The following AGAP1 variants were observed in gnomAD, a reference collection of about 807,000 sequenced individuals.
AGAP1 encodes ArfGAP with GTPase domain, ankyrin repeat and PH domain 1.
In AGAP1, 29 loss-of-function variants were observed where a neutral mutation model predicts 105.3. The observed-to-expected ratio is 0.28, with a 90% CI of 0.21 to 0.38. The LOEUF (loss-of-function observed/expected upper bound fraction) is 0.38. Ranked by LOEUF, AGAP1 falls within the 10% of genes least tolerant of loss-of-function variation. The pLI, the probability that AGAP1 is intolerant of heterozygous loss-of-function variation, is 1.00. For missense variants in AGAP1, 998 were observed against 1,165.1 expected, an observed-to-expected ratio of 0.86 and a Z score of 2.09; for synonymous variants, 509 against 485.9, an observed-to-expected ratio of 1.05 and a Z score of -0.63.
At chr2:236,060,634 G>A (rs999406030) in intron 16 of AGAP1, among the ~76,000 whole-genome samples, 7 of 152,156 alleles carry the variant, frequency 4.6e-5, no homozygotes, top group African/African-American at 7.2e-5. Context: ...GGTCAAGGCT[G>A]CAGTGAGCCG....
chr2:235,928,277 G>A (rs552322638), intron 11 of AGAP1, among the ~76,000 whole-genome samples: 101 of 152,180 alleles, frequency 6.6e-4, no homozygotes, highest in Admixed American at 1.3e-3. Context: ...CTTGGGAGGC[G>A]CCTCCTCCCC....
At chr2:235,702,232 G>A (rs1008274976) in intron 1 of AGAP1, among the ~76,000 whole-genome samples, 1 of 152,170 alleles carries the variant, frequency 6.6e-6, no homozygotes, top group African/African-American at 2.4e-5. Context: ...ATAATTTGGA[G>A]GAGAAAATTA....
intron 11 of AGAP1, among the ~76,000 whole-genome samples, chr2:235,916,647 T>C (rs1252425377): frequency 1.3e-5 from 2 of 152,218 alleles, no homozygotes; most frequent in East Asian, 1.9e-4. Flanking sequence ...AATGGGGAAA[T>C]GATGTCCACC....
chr2:236,057,646 G>A (rs908650298), intron 16 of AGAP1, among the ~76,000 whole-genome samples: 9 of 151,986 alleles, frequency 5.9e-5, no homozygotes, highest in African/African-American at 2.2e-4. Context: ...GTATTGCAGA[G>A]ACCTCACAAT....
chr2:235,685,273 C>T (rs944599841), intron 1 of AGAP1, among the ~76,000 whole-genome samples: 1 of 151,918 alleles, frequency 6.6e-6, no homozygotes, highest in Non-Finnish European at 1.5e-5. Flanking sequence ...GTGGGTTCCT[C>T]CCTTCCTGGG....
intron 1 of AGAP1, among the ~76,000 whole-genome samples, chr2:235,645,071 T>C (rs1947329268): frequency 6.6e-6 from 1 of 152,124 alleles, no homozygotes; most frequent in African/African-American, 2.4e-5. Flanking sequence ...AATTTTTGTA[T>C]TTTTAGTAGA....
rs2149712143 is a variant in AGAP1, at chr2:235,750,612, A to G, written c.673+124A>G. On this transcript the variant is annotated intron_variant, in intron 6 of 17. Transcript: ENST00000304032. The surrounding 1 kb of genome is among the most constrained non-coding windows in gnomAD (Gnocchi z 5.3). The stretch of plus-strand genomic sequence containing the variant: ...AATATGTCGTTGATGGGTGGGCATT[A>G]GTATCGAGAGCAGTCCATTCCAGAG... The G allele has an allele frequency of 7.2e-7, 1 of 1,395,866 alleles. No individual in the cohort carries two copies. The highest frequency in any genetic ancestry group is 1.0e-6 in the Non-Finnish European group (1 of 1,000,898). The allele number at this position is 1,395,866 out of a possible 1,614,324, so 86.5% of individuals were successfully genotyped here.
At position 235,904,455 on chromosome 2, in the gene AGAP1, C is replaced by T. The variant is rs2125015367; in HGVS notation, c.1156-4283C>T. ...GGCAGGAGATGGCACCTCTGGGGGG[C>T]CTGGCTCTTGAGTGGGCCCCAGGGA... On this transcript the variant is annotated intron_variant, in intron 10 of 17. Transcript: ENST00000304032. This position sits in a 1 kb window ranked among gnomAD's most constrained non-coding sequence, Gnocchi z 4.2. Among the ~76,000 whole-genome samples, 1 of 152,232 alleles carries T rather than the reference C, an allele frequency of 6.6e-6. No individual in the cohort carries two copies. Among genetic ancestry groups the T allele is most frequent in the Non-Finnish European group, 1.5e-5 (1 of 68,028 alleles).
intron 12 of AGAP1, among the ~76,000 whole-genome samples, chr2:235,942,592 G>A (rs1044340876): frequency 4.6e-5 from 7 of 151,532 alleles, no homozygotes; most frequent in South Asian, 2.1e-4. Flanking sequence ...CAGGAGAATC[G>A]CTTGAACCCA....
In AGAP1 at chr2:235,741,841, C is replaced by T. The variant is rs762525393; in HGVS notation, c.396+793C>T. ...TGATCTCGGCTCACTACAAGCTCCA[C>T]CTCCCAGGTTCAGGCCATTCTCCTG... On this transcript the variant is annotated intron_variant, in intron 4 of 17. Transcript: ENST00000304032. This position sits in a 1 kb window ranked among gnomAD's most constrained non-coding sequence, Gnocchi z 4.9. Among the ~76,000 whole-genome samples the T allele has an allele frequency of 3.3e-5, 5 of 151,666 alleles. No individual in the cohort carries two copies. Among genetic ancestry groups the T allele is most frequent in the South Asian group, 4.2e-4 (2 of 4,786 alleles).
rs190396211 is a variant in AGAP1 at position 235,663,289 on chromosome 2, A to G, written c.164-45890A>G. ...GCACCATTGCACTCCAGCCTGGGCA[A>G]CAAGAAGGAAACTCTGTCTCAAAAA... On this transcript the variant is annotated intron_variant, in intron 1 of 17. Transcript: ENST00000304032. The surrounding 1 kb of genome is among the most constrained non-coding windows in gnomAD (Gnocchi z 5.4). Among the ~76,000 whole-genome samples, 94 of 152,298 alleles carry G rather than the reference A, an allele frequency of 6.2e-4. No individual in the cohort carries two copies. The highest frequency in any genetic ancestry group is 1.9e-3 in the African/African-American group (77 of 41,568).
intron 16 of AGAP1, among the ~76,000 whole-genome samples, chr2:236,097,380 CTTTTTTTTTTTTTTTTT>C (rs58882083): frequency 2.7e-4 from 13 of 48,650 alleles, no homozygotes; most frequent in Non-Finnish European, 4.6e-4. Flanking sequence ...TCATCCTAAT[CTTTTTTTTTTTTTTTTT>C]TTTTTTTTTT....
chr2:235,913,713 T>G (rs1318639014), intron 11 of AGAP1, among the ~76,000 whole-genome samples: 1 of 152,188 alleles, frequency 6.6e-6, no homozygotes, highest in Non-Finnish European at 1.5e-5. Context: ...AACTAAAGAG[T>G]AACTTGAAAC....
chr2:235,845,409 T>C lies in AGAP1; in HGVS notation c.1051-37936T>C, dbSNP rs977648386. On this transcript the variant is annotated intron_variant, in intron 9 of 17. Coordinates refer to ENST00000304032, the MANE Select transcript of AGAP1 (RefSeq NM_001037131.3). This position sits in a 1 kb window ranked among gnomAD's most constrained non-coding sequence, Gnocchi z 4.8. ...GCAGACATGGAAGCAGAAAATCATATGATACCCTGAGTTCCTGAGTCAGCA... is the reference window on the plus strand; with the variant it reads ...GCAGACATGGAAGCAGAAAATCATACGATACCCTGAGTTCCTGAGTCAGCA... 2.6e-5 allele frequency among the ~76,000 whole-genome samples: 4 copies of C among 152,048 alleles called. No individual in the cohort carries two copies. Among genetic ancestry groups the C allele is most frequent in the Non-Finnish European group, 5.9e-5 (4 of 68,012 alleles).
chr2:235,751,968 C>T lies in AGAP1; in HGVS notation c.673+1480C>T, dbSNP rs117400637. 1.7e-3 allele frequency among the ~76,000 whole-genome samples: 257 copies of T among 152,286 alleles called. 3 individuals carry two copies. The East Asian group carries it at 0.02, about 12-fold the overall frequency. On this transcript the variant is annotated intron_variant, in intron 6 of 17. Coordinates refer to ENST00000304032, the MANE Select transcript of AGAP1 (RefSeq NM_001037131.3). The surrounding 1 kb of genome is among the most constrained non-coding windows in gnomAD (Gnocchi z 5.3). ...GTGGGGAGTAAACCTCATTTCAAGC[C>T]GTGCTGGTGAACATGAGTGAGATGT... is the stretch of plus-strand genomic sequence containing the variant.
chr2:235,734,723 T>C lies in AGAP1; in HGVS notation c.311-6240T>C, dbSNP rs1952145118. ...AAGATAGTCCCGCCTCTCTGCCTGT[T>C]TGATGTTGGCCCTGTGGATGCTGCA... On this transcript the variant is annotated intron_variant, in intron 3 of 17. Coordinates refer to ENST00000304032, the MANE Select transcript of AGAP1 (RefSeq NM_001037131.3). The surrounding 1 kb of genome is among the most constrained non-coding windows in gnomAD (Gnocchi z 5.3). Among the ~76,000 whole-genome samples, 2 of 152,156 alleles carry C rather than the reference T, an allele frequency of 1.3e-5. No homozygotes were observed. The highest frequency in any genetic ancestry group is 4.1e-4 in the South Asian group (2 of 4,832).
chr2:235,698,328 C>G (rs1408766773), intron 1 of AGAP1, among the ~76,000 whole-genome samples: 1 of 152,166 alleles, frequency 6.6e-6, no homozygotes, highest in Admixed American at 6.5e-5. Flanking sequence ...TCCCAGCCAG[C>G]CACGGATGAG....
intron 1 of AGAP1, among the ~76,000 whole-genome samples, chr2:235,676,973 G>A (rs933127277): frequency 6.6e-6 from 1 of 152,190 alleles, no homozygotes; most frequent in Non-Finnish European, 1.5e-5. Context: ...TTTGAAAGAA[G>A]TACCATCTGC....
rs1202029685 is a variant in AGAP1, at chr2:235,569,805, G to A, written c.163+74956G>A. Among the ~76,000 whole-genome samples, 2 of 152,208 alleles carry A rather than the reference G, an allele frequency of 1.3e-5. No homozygotes were observed. Among genetic ancestry groups the A allele is most frequent in the Non-Finnish European group, 2.9e-5 (2 of 68,048 alleles). ...GTTTTTATTTCTTAGGCTCTCTGGAGTTCTCCCAAATCCCCATTGCCAATC... is the reference window on the plus strand; with the variant it reads ...GTTTTTATTTCTTAGGCTCTCTGGAATTCTCCCAAATCCCCATTGCCAATC... On this transcript the variant is annotated intron_variant, in intron 1 of 17. Transcript: ENST00000304032. This position sits in a 1 kb window ranked among gnomAD's most constrained non-coding sequence, Gnocchi z 5.9.
Sources: allele counts gnomAD v4.1 joint callset (sites outside exome capture counted in the v4.1 genomes callset), GRCh38; gene constraint gnomAD v4.1.1; non-coding constraint Gnocchi (gnomAD v3.1); transcripts MANE v1.5; gene names NCBI Gene and HGNC (gene_info 2026-07-23, HGNC 2026-07-21).